Variants in C1QTNF3 observed in about 807,000 individuals in gnomAD.
The protein encoded by C1QTNF3 is C1q and TNF related 3.
In C1QTNF3, 26 loss-of-function variants were observed where a neutral mutation model predicts 32.6. That is an observed-to-expected ratio of 0.80 (90% CI 0.58 to 1.11). C1QTNF3 has a LOEUF of 1.11. Ranked by LOEUF, C1QTNF3 falls within the 50% of genes least tolerant of loss-of-function variation. The pLI is 0.00. For missense variants in C1QTNF3, 362 were observed against 398.2 expected (o/e 0.91, Z 0.77); for synonymous variants, 155 against 146.0 (o/e 1.06, Z -0.44).
chr5:34,184,715 C>CAAAAAAAAAAAAAAAAAAAAAAAAAAA, the C1QTNF3 span, among the ~76,000 whole-genome samples: 1 of 129,560 alleles, frequency 7.7e-6, no homozygotes, highest in African/African-American at 2.8e-5. Context: ...GACTCTGTCT[C>CAAAAAAAAAAAAAAAAAAAAAAAAAAA]AAAAAAAAAA....
chr5:34,076,010 A>G, the C1QTNF3 span, among the ~76,000 whole-genome samples: 2 of 151,608 alleles, frequency 1.3e-5, no homozygotes, highest in East Asian at 3.9e-4. Context: ...AAATGAAATA[A>G]ATCAGTCACA....
At position 34,036,661 on chromosome 5, in the gene C1QTNF3, A is replaced by T. The variant is rs1754747437; in HGVS notation, c.304-903T>A. 2.0e-5 allele frequency among the ~76,000 whole-genome samples: 3 copies of T among 152,332 alleles called. 1 individual carries two copies. The South Asian group carries it at 6.2e-4, about 32-fold the overall frequency. ...TTCACACATTCCACTTTAAAATGTG[A>T]AATGATTGGGCTGAGCATGGTGGCT... On this transcript the variant is annotated intron_variant, in intron 1 of 5. Transcript: ENST00000382065.
the C1QTNF3 span, among the ~76,000 whole-genome samples, chr5:34,082,690 T>C: frequency 6.1e-4 from 92 of 151,876 alleles, no homozygotes; most frequent in Admixed American, 1.9e-3. Context: ...CCCAAGTCTA[T>C]TAATAACCTG....
chr5:34,083,720 A>C, the C1QTNF3 span, among the ~76,000 whole-genome samples: 1 of 151,822 alleles, frequency 6.6e-6, no homozygotes, highest in African/African-American at 2.4e-5. Flanking sequence ...TGCCGGTAGT[A>C]ATTCCCATTC....
the C1QTNF3 span, among the ~76,000 whole-genome samples, chr5:34,180,876 G>A: frequency 6.6e-6 from 1 of 152,312 alleles, no homozygotes; most frequent in Non-Finnish European, 1.5e-5. Flanking sequence ...TTCACCTGAG[G>A]CGATTCTCCT....
At chr5:34,134,322 T>G in the C1QTNF3 span, among the ~76,000 whole-genome samples, 1 of 151,854 alleles carries the variant, frequency 6.6e-6, no homozygotes, top group African/African-American at 2.4e-5. Context: ...TATACAAGTA[T>G]TTGCTTATCA....
the C1QTNF3 span, among the ~76,000 whole-genome samples, chr5:34,242,098 T>C: frequency 4.6e-5 from 7 of 152,174 alleles, no homozygotes; most frequent in Admixed American, 2.6e-4. Flanking sequence ...CCCAAAGCAA[T>C]TTGTAGATTC....
the C1QTNF3 span, among the ~76,000 whole-genome samples, chr5:34,056,905 C>T: frequency 3.3e-5 from 5 of 152,014 alleles, no homozygotes; most frequent in African/African-American, 9.7e-5. Context: ...AGAAAAAAAC[C>T]GCAATTTTAA....
chr5:34,112,473 A>G, the C1QTNF3 span, among the ~76,000 whole-genome samples: 6 of 149,864 alleles, frequency 4.0e-5, no homozygotes, highest in South Asian at 1.3e-3. Flanking sequence ...CAGCCTAGGC[A>G]ACATAAGGAT....
intron 1 of C1QTNF3, among the ~76,000 whole-genome samples, chr5:34,039,974 C>T (rs761666043): frequency 6.6e-6 from 1 of 152,182 alleles, no homozygotes; most frequent in Non-Finnish European, 1.5e-5. Flanking sequence ...TACTACTAGT[C>T]GAGCACCTCG....
At chr5:34,085,491 C>T in the C1QTNF3 span, among the ~76,000 whole-genome samples, 2 of 151,272 alleles carry the variant, frequency 1.3e-5, no homozygotes, top group Admixed American at 1.3e-4. Context: ...TTTCCTAGGC[C>T]TCTGTTTTGT....
the C1QTNF3 span, among the ~76,000 whole-genome samples, chr5:34,244,276 A>G: frequency 2.6e-5 from 4 of 152,174 alleles, no homozygotes; most frequent in African/African-American, 9.7e-5. Flanking sequence ...TATCTTTGGA[A>G]TATCTTTGGG....
the C1QTNF3 span, among the ~76,000 whole-genome samples, chr5:34,069,591 T>C: frequency 6.6e-6 from 1 of 152,132 alleles, no homozygotes; most frequent in Non-Finnish European, 1.5e-5. Context: ...TAAGTAATAG[T>C]TTAAAATACT....
chr5:34,219,586 G>A, the C1QTNF3 span, among the ~76,000 whole-genome samples: 3 of 151,088 alleles, frequency 2.0e-5, no homozygotes, highest in East Asian at 1.9e-4. Flanking sequence ...AAAAAAAACC[G>A]CTTTGAAACA....
At chr5:34,204,064 G>A in the C1QTNF3 span, among the ~76,000 whole-genome samples, 2 of 151,276 alleles carry the variant, frequency 1.3e-5, no homozygotes, top group South Asian at 2.1e-4. Context: ...ACAGCAATAC[G>A]GTAATACTGG....
At chr5:34,238,635 T>C in the C1QTNF3 span, among the ~76,000 whole-genome samples, 3 of 151,378 alleles carry the variant, frequency 2.0e-5, no homozygotes, top group Non-Finnish European at 2.9e-5. Context: ...AAATATGGAA[T>C]TATATAAAGA....
chr5:34,090,883 T>G, the C1QTNF3 span, among the ~76,000 whole-genome samples: 2 of 152,180 alleles, frequency 1.3e-5, no homozygotes, highest in South Asian at 4.1e-4. Context: ...GTAATAAACT[T>G]GTTTATAAAG....
At chr5:34,055,567 C>T in the C1QTNF3 span, among the ~76,000 whole-genome samples, 4 of 152,284 alleles carry the variant, frequency 2.6e-5, no homozygotes, top group African/African-American at 9.6e-5. Flanking sequence ...CTGTGTTCTG[C>T]CTATGGGTTC....
chr5:34,055,145 A>G, the C1QTNF3 span, among the ~76,000 whole-genome samples: 5 of 152,340 alleles, frequency 3.3e-5, no homozygotes, highest in African/African-American at 1.2e-4. Flanking sequence ...TGGTGGAGTC[A>G]GACCTTACAC....
Sources: gnomAD v4.1 joint callset for allele counts (sites outside exome capture counted in the v4.1 genomes callset) on GRCh38, gnomAD v4.1.1 for gene constraint, MANE v1.5 for transcripts, NCBI Gene and HGNC (gene_info 2026-07-23, HGNC 2026-07-21) for gene names.